KAZN: variants seen among roughly 807,000 people sequenced by gnomAD.
The protein encoded by KAZN is kazrin.
A neutral mutation model predicts 87.4 loss-of-function variants in KAZN; 40 were observed. The ratio of observed to expected loss-of-function variants is 0.46; its 90% confidence interval spans 0.36 to 0.60. The LOEUF (loss-of-function observed/expected upper bound fraction) is 0.60. Ranked by LOEUF, KAZN falls within the 20% of genes least tolerant of loss-of-function variation. KAZN has a pLI of 0.00. For missense variants in KAZN, 898 were observed against 1,073.9 expected (o/e 0.84, Z 2.29); for synonymous variants, 466 against 458.3 (o/e 1.02, Z -0.22).
chr1:15,110,409 TTG>T (rs1246953515), intron 13 of KAZN, among the ~76,000 whole-genome samples: 3 of 144,838 alleles, frequency 2.1e-5, no homozygotes, highest in Non-Finnish European at 3.1e-5. Context: ...GTCTGTGTAT[TTG>T]TGTGTGCGCA....
intron 1 of KAZN, among the ~76,000 whole-genome samples, chr1:14,029,064 G>A (rs1467485857): frequency 6.7e-6 from 1 of 149,070 alleles, no homozygotes; most frequent in African/African-American, 2.5e-5. Flanking sequence ...CTTCCACAAT[G>A]GTTGAACTAG....
At chr1:14,775,358 A>G (rs1572451081) in intron 1 of KAZN, among the ~76,000 whole-genome samples, 1 of 152,372 alleles carries the variant, frequency 6.6e-6, no homozygotes, top group Admixed American at 6.5e-5. Flanking sequence ...CTGTTGTTCC[A>G]GCGTCATGCT....
At chr1:14,409,620 C>T (rs1052934377) in intron 2 of KAZN, among the ~76,000 whole-genome samples, 5 of 152,098 alleles carry the variant, frequency 3.3e-5, no homozygotes, top group Non-Finnish European at 7.4e-5. Context: ...CAACACAAAA[C>T]GGCCAGAGAG....
intron 2 of KAZN, among the ~76,000 whole-genome samples, chr1:14,493,668 A>G (rs1220240700): frequency 6.6e-6 from 1 of 152,192 alleles, no homozygotes; most frequent in African/African-American, 2.4e-5. Context: ...TAATATCTCT[A>G]CGTGCTCCCT....
chr1:13,960,369 C>T (rs1449689954), intron 1 of KAZN, among the ~76,000 whole-genome samples: 1 of 152,168 alleles, frequency 6.6e-6, no homozygotes. Context: ...AACTTTAGAG[C>T]CGATCGTTTG....
At chr1:14,730,737 T>C (rs1643641665) in intron 1 of KAZN, among the ~76,000 whole-genome samples, 1 of 152,148 alleles carries the variant, frequency 6.6e-6, no homozygotes, top group African/African-American at 2.4e-5. Flanking sequence ...CCCCAATCTG[T>C]CCCTGAGAAT....
At chr1:14,517,694 C>T (rs1377414194) in intron 2 of KAZN, among the ~76,000 whole-genome samples, 2 of 152,188 alleles carry the variant, frequency 1.3e-5, no homozygotes, top group African/African-American at 4.8e-5. Flanking sequence ...TATCTTCCAG[C>T]TCATACACAG....
chr1:14,715,273 C>T (rs535943913), intron 1 of KAZN, among the ~76,000 whole-genome samples: 16 of 152,304 alleles, frequency 1.1e-4, no homozygotes, highest in South Asian at 6.2e-4. Flanking sequence ...AGGCCAAAGG[C>T]TTAGGGCAGG....
intron 1 of KAZN, among the ~76,000 whole-genome samples, chr1:14,608,865 C>T (rs1677585400): frequency 6.6e-6 from 1 of 152,146 alleles, no homozygotes; most frequent in Non-Finnish European, 1.5e-5. Flanking sequence ...GTATTTAAAC[C>T]ATTGAACATG....
chr1:14,924,093 G>A (rs1228939303), intron 1 of KAZN: 5 of 977,700 alleles, frequency 5.1e-6, no homozygotes, highest in Non-Finnish European at 4.9e-6. Context: ...GCAGTCGCCA[G>A]CCCGGAAGGA....
chr1:14,347,034 G>C (rs746722858), intron 2 of KAZN, among the ~76,000 whole-genome samples: 1 of 152,116 alleles, frequency 6.6e-6, no homozygotes, highest in Non-Finnish European at 1.5e-5. Flanking sequence ...TGAGATAAAG[G>C]AAAATAGATG....
chr1:14,867,098 T>TC (rs1251502462), intron 1 of KAZN, among the ~76,000 whole-genome samples: 1 of 151,202 alleles, frequency 6.6e-6, no homozygotes, highest in African/African-American at 2.4e-5. Context: ...CGGGCTCGTT[T>TC]TTTCCAGGCC....
At chr1:14,271,971 A>G (rs955922863) in intron 2 of KAZN, among the ~76,000 whole-genome samples, 3 of 152,264 alleles carry the variant, frequency 2.0e-5, no homozygotes, top group African/African-American at 7.2e-5. Context: ...GCTCATTTGT[A>G]GACATAATGA....
chr1:15,034,951 G>T, intron 3 of KAZN, 66 bp downstream of exon 3: 2 of 1,585,986 alleles, frequency 1.3e-6, no homozygotes, highest in Middle Eastern at 2.1e-4. Flanking sequence ...CTGCTGGCTG[G>T]CCACCTTCAC....
chr1:14,145,620 G>A (rs540690210), intron 1 of KAZN, among the ~76,000 whole-genome samples: 9 of 150,048 alleles, frequency 6.0e-5, no homozygotes, highest in Non-Finnish European at 1.2e-4. Context: ...TTGCTCTGTC[G>A]TCCAGGCTGG....
intron 2 of KAZN, among the ~76,000 whole-genome samples, chr1:14,222,300 G>A (rs973488547): frequency 2.6e-5 from 4 of 152,172 alleles, no homozygotes; most frequent in African/African-American, 4.8e-5. Flanking sequence ...ACTGTGGGGG[G>A]AAATGGGCCA....
chr1:14,719,749 G>A (rs7521493), intron 1 of KAZN, among the ~76,000 whole-genome samples: 62,810 of 152,020 alleles, frequency 0.41, 14,702 homozygotes, highest in Non-Finnish European at 0.52. Context: ...TGAGGCAGGA[G>A]AATCACTTGA....
chr1:14,774,502 G>A lies in KAZN; in HGVS notation c.226+175279G>A, dbSNP rs559329845. ...TTTTTTTTTTTTGAGACAAGATCTC[G>A]CTGTGTCACCCAGGCTGGAGTGCAG... is the stretch of plus-strand genomic sequence containing the variant. On this transcript the variant is annotated intron_variant, in intron 1 of 14. Coordinates refer to ENST00000376030, the MANE Select transcript of KAZN (RefSeq NM_201628.3). Among the ~76,000 whole-genome samples, 61 of 138,594 alleles carry A rather than the reference G, an allele frequency of 4.4e-4. No individual in the cohort carries two copies. The South Asian group carries it at 5.0e-3, about 11-fold the overall frequency. 90.9% of individuals were successfully genotyped at this position (138,594 alleles called of 152,430 possible).
chr1:14,471,060 G>A (rs537980853), intron 2 of KAZN, among the ~76,000 whole-genome samples: 24 of 152,264 alleles, frequency 1.6e-4, no homozygotes, highest in Admixed American at 6.5e-4. Flanking sequence ...GCCTTCTGAT[G>A]GCTGCAACTC....
Sources: gnomAD v4.1 joint callset for allele counts (sites outside exome capture counted in the v4.1 genomes callset) on GRCh38, gnomAD v4.1.1 for gene constraint, MANE v1.5 for transcripts, NCBI Gene and HGNC (gene_info 2026-07-23, HGNC 2026-07-21) for gene names.